Variants in NCALD observed in about 807,000 individuals in gnomAD.
The protein encoded by NCALD is neurocalcin-delta.
A neutral mutation model predicts 18.6 loss-of-function variants in NCALD; 10 were observed. The ratio of observed to expected loss-of-function variants is 0.54; its 90% CI spans 0.33 to 0.91. The LOEUF (loss-of-function observed/expected upper bound fraction) is 0.91, where lower values mean the gene tolerates loss of function less well. Among genes scored for constraint, NCALD ranks in the 40% least tolerant of loss-of-function variants. NCALD has a pLI of 0.03. For missense variants in NCALD, 184 were observed against 247.6 expected (o/e 0.74, Z 1.72); for synonymous variants, 88 against 87.4 (o/e 1.01, Z -0.04).
chr8:102,099,866 G>T (rs995587231), intron 1 of NCALD, among the ~76,000 whole-genome samples: 1 of 151,904 alleles, frequency 6.6e-6, no homozygotes, highest in African/African-American at 2.4e-5. Flanking sequence ...CAGCTACTCA[G>T]GAGGCTGAGA....
intron 1 of NCALD, among the ~76,000 whole-genome samples, chr8:102,108,713 G>A (rs181578937): frequency 3.5e-4 from 54 of 152,228 alleles, no homozygotes; most frequent in Admixed American, 3.2e-3. Flanking sequence ...TAGTGCCTTG[G>A]ACAGAGCAGG....
intron 4 of NCALD, among the ~76,000 whole-genome samples, chr8:101,797,871 T>C (rs964380293): frequency 6.7e-6 from 1 of 148,580 alleles, no homozygotes. Flanking sequence ...CTGCAAAAAA[T>C]AAATTAAATA....
intron 3 of NCALD, among the ~76,000 whole-genome samples, chr8:101,890,243 T>C (rs1295781938): frequency 6.6e-6 from 1 of 151,864 alleles, no homozygotes; most frequent in Non-Finnish European, 1.5e-5. Flanking sequence ...ACATGAATGG[T>C]GAATGGATGT....
At chr8:101,802,068 C>T (rs1471759048) in intron 4 of NCALD, among the ~76,000 whole-genome samples, 1 of 152,114 alleles carries the variant, frequency 6.6e-6, no homozygotes, top group African/African-American at 2.4e-5. Flanking sequence ...CAAGGCTAGC[C>T]GTGCTGTTTC....
intron 1 of NCALD, among the ~76,000 whole-genome samples, chr8:101,742,646 C>A (rs1125334): frequency 0.61 from 92,548 of 151,960 alleles, 30,977 homozygotes; most frequent in Non-Finnish European, 0.75. Flanking sequence ...ATAAACTGAT[C>A]CTCATTAGAT....
At chr8:102,100,746 T>C (rs2132411338) in intron 1 of NCALD, among the ~76,000 whole-genome samples, 1 of 152,340 alleles carries the variant, frequency 6.6e-6, no homozygotes, top group East Asian at 1.9e-4. Flanking sequence ...TTCTGACACA[T>C]GCTACAACAT....
chr8:101,745,356 A>G lies in NCALD; in HGVS notation c.-19-25708T>C, dbSNP rs2130731263. On this transcript the variant is annotated intron_variant, in intron 1 of 3. Transcript: ENST00000220931. ...ATGTGGAAACGGGCTTTGAAATGCA[A>G]TGACTGAGATGTAGGGGGAGAAAAT... Among the ~76,000 whole-genome samples the G allele has an allele frequency of 2.6e-5, 4 of 152,224 alleles. 2 individuals carry two copies. Among genetic ancestry groups the G allele is most frequent in the African/African-American group, 9.6e-5 (4 of 41,548 alleles).
At chr8:101,890,948 G>A (rs539504861) in intron 3 of NCALD, among the ~76,000 whole-genome samples, 16 of 152,274 alleles carry the variant, frequency 1.1e-4, no homozygotes, top group Admixed American at 7.2e-4. Context: ...TCATTAAATG[G>A]AATATTAGAT....
In NCALD at chr8:102,078,996, A is replaced by G. The variant is rs1824438628; in HGVS notation, c.-210+45241T>C. On this transcript the variant is annotated intron_variant, in intron 1 of 6. Coordinates refer to the NCALD transcript ENST00000311028. ...GTCAGTGGTGAGTTGTAGACTGCAG[A>G]GATCAGAAACATGCTTGAACCTAGT... Among the ~76,000 whole-genome samples the G allele has an allele frequency of 3.3e-5, 5 of 152,326 alleles. No homozygotes were observed. In the South Asian group the frequency reaches 1.0e-3, roughly 32 times the overall value.
intron 2 of NCALD, among the ~76,000 whole-genome samples, chr8:101,992,877 TC>T (rs899091016): frequency 1.6e-4 from 25 of 151,792 alleles, no homozygotes; most frequent in Non-Finnish European, 1.2e-4. Context: ...TGAGTGATTT[TC>T]CAGGATTTTT....
intron 1 of NCALD, among the ~76,000 whole-genome samples, chr8:102,080,965 G>T (rs759389475): frequency 3.3e-5 from 5 of 152,140 alleles, no homozygotes; most frequent in Admixed American, 2.0e-4. Context: ...GTTGGTTGGG[G>T]TTTTTTCCCC....
intron 4 of NCALD, among the ~76,000 whole-genome samples, chr8:101,832,814 C>A (rs1349237031): frequency 6.6e-6 from 1 of 152,214 alleles, no homozygotes; most frequent in East Asian, 1.9e-4. Context: ...CCCTGAGAAA[C>A]TGCCCGCAGC....
At chr8:102,120,242 G>C (rs1002720942) in intron 1 of NCALD, among the ~76,000 whole-genome samples, 1 of 152,132 alleles carries the variant, frequency 6.6e-6, no homozygotes, top group Admixed American at 6.5e-5. Flanking sequence ...TCATCTCTTG[G>C]TGAGAGTATA....
chr8:102,022,412 A>G (rs1222636233), intron 1 of NCALD, among the ~76,000 whole-genome samples: 2 of 152,200 alleles, frequency 1.3e-5, no homozygotes, highest in Non-Finnish European at 2.9e-5. Context: ...TCATCATTCC[A>G]TGTGCTTAGC....
chr8:101,906,615 C>T (rs1026393516), intron 3 of NCALD, among the ~76,000 whole-genome samples: 8 of 152,218 alleles, frequency 5.3e-5, no homozygotes, highest in African/African-American at 1.9e-4. Context: ...ACTTTGTGTT[C>T]CTTCCAAACT....
At chr8:102,049,978 A>C (rs547456247) in intron 1 of NCALD, among the ~76,000 whole-genome samples, 4 of 150,240 alleles carry the variant, frequency 2.7e-5, no homozygotes, top group South Asian at 2.1e-4. Context: ...CTGGCTAACA[A>C]GGTGAAACCC....
chr8:101,867,961 G>A (rs144633212), intron 4 of NCALD, among the ~76,000 whole-genome samples: 10 of 152,242 alleles, frequency 6.6e-5, no homozygotes, highest in East Asian at 1.9e-4. Flanking sequence ...CCCGCCCCCC[G>A]CCAACCTTTT....
At chr8:101,769,038 C>T (rs1413575618) in intron 1 of NCALD, among the ~76,000 whole-genome samples, 2 of 152,082 alleles carry the variant, frequency 1.3e-5, no homozygotes. Context: ...ATGGTGGAAG[C>T]AAGGTCTGAG....
intron 2 of NCALD, among the ~76,000 whole-genome samples, chr8:101,927,331 G>C (rs1019098004): frequency 6.6e-6 from 1 of 152,204 alleles, no homozygotes; most frequent in African/African-American, 2.4e-5. Context: ...AGTCTAGATG[G>C]GGGGACGGAT....
Sources: allele counts gnomAD v4.1 joint callset (sites outside exome capture counted in the v4.1 genomes callset), GRCh38; gene constraint gnomAD v4.1.1; transcripts MANE v1.5; gene names NCBI Gene and HGNC (gene_info 2026-07-23, HGNC 2026-07-21).